Variants in CCDC169 observed in about 807,000 individuals in gnomAD.
CCDC169 encodes the protein coiled-coil domain containing 169.
In CCDC169, 30 loss-of-function variants were observed where a neutral mutation model predicts 36.0. That is an observed-to-expected ratio of 0.83 (90% confidence interval 0.62 to 1.13). CCDC169 has a LOEUF of 1.13. CCDC169 is among the 50% of genes most tolerant of loss of function. The pLI is 0.00. For missense variants in CCDC169, 245 were observed against 245.9 expected (o/e 1.00, Z 0.03); for synonymous variants, 85 against 81.5 (o/e 1.04, Z -0.23).
intron 6 of CCDC169, among the ~76,000 whole-genome samples, chr13:36,252,031 TAGTAAGTGC>T (rs1873234955): frequency 1.3e-5 from 2 of 152,178 alleles, no homozygotes; most frequent in African/African-American, 4.8e-5. Flanking sequence ...GGTCACATGG[TAGTAAGTGC>T]AGAGCTGGGA....
At chr13:36,228,277 C>T (rs1870063894), downstream of CCDC169, among the ~76,000 whole-genome samples, 2 of 152,140 alleles carry the variant, frequency 1.3e-5, no homozygotes, top group Non-Finnish European at 1.5e-5. Flanking sequence ...ATATCCCCAC[C>T]AGCAACATAT....
chr13:36,259,430 C>T (rs553474606), intron 4 of CCDC169, among the ~76,000 whole-genome samples: 81 of 152,256 alleles, frequency 5.3e-4, no homozygotes, highest in African/African-American at 1.8e-3. Flanking sequence ...TGGACGACAG[C>T]GACATACATT....
chr13:36,285,610 G>GATAGATAGATAC (rs1160347745), intron 2 of CCDC169, among the ~76,000 whole-genome samples: 2 of 148,156 alleles, frequency 1.3e-5, no homozygotes, highest in South Asian at 2.2e-4. Flanking sequence ...TAGATAGATA[G>GATAGATAGATAC]ATAGATAGAT....
At chr13:36,259,362 TTG>T (rs1874326121) in intron 4 of CCDC169, among the ~76,000 whole-genome samples, 1 of 152,176 alleles carries the variant, frequency 6.6e-6, no homozygotes, top group Non-Finnish European at 1.5e-5. Flanking sequence ...TGACTGCCAG[TTG>T]TCCAAGTTCT....
chr13:36,296,059 G>C (rs1016826354), intron 1 of CCDC169, among the ~76,000 whole-genome samples: 1 of 152,056 alleles, frequency 6.6e-6, no homozygotes, highest in African/African-American at 2.4e-5. Context: ...AAAGCTCAAA[G>C]ACCCCCAGGC....
intron 4 of CCDC169, among the ~76,000 whole-genome samples, chr13:36,256,935 G>A (rs1003597933): frequency 5.3e-5 from 8 of 152,214 alleles, no homozygotes; most frequent in Non-Finnish European, 7.3e-5. Context: ...CCACAGGTGG[G>A]CCAGCAGCAG....
chr13:36,246,936 A>G (rs932230031), intron 7 of CCDC169, among the ~76,000 whole-genome samples: 3 of 152,230 alleles, frequency 2.0e-5, no homozygotes, highest in African/African-American at 7.2e-5. Context: ...AGACATTCCT[A>G]GCTAGAGAGG....
At chr13:36,251,110 ATC>A (rs1285102444) in intron 6 of CCDC169, among the ~76,000 whole-genome samples, 1 of 152,244 alleles carries the variant, frequency 6.6e-6, no homozygotes, top group African/African-American at 2.4e-5. Context: ...TGTTGTGCAT[ATC>A]AGAAGACTCC....
At chr13:36,227,827 C>T (rs143961131), downstream of CCDC169, among the ~76,000 whole-genome samples, 5 of 152,152 alleles carry the variant, frequency 3.3e-5, no homozygotes, top group Non-Finnish European at 7.3e-5. Flanking sequence ...TCTCCATCAC[C>T]GACCTTCCCC....
intron 4 of CCDC169, chr13:36,267,309 C>T (rs1454199305): frequency 6.6e-6 from 1 of 152,176 alleles, no homozygotes; most frequent in Non-Finnish European, 1.5e-5. Context: ...TATCTTCAGC[C>T]TCCTTAAACA....
At chr13:36,240,573 G>C in intron 7 of CCDC169, 16 of 1,244,814 alleles carry the variant, frequency 1.3e-5, no homozygotes, top group Non-Finnish European at 1.7e-5. Flanking sequence ...CTCTTACCAA[G>C]TCCTAGTATC....
chr13:36,277,719 G>A (rs1877002884), intron 4 of CCDC169, among the ~76,000 whole-genome samples: 1 of 152,094 alleles, frequency 6.6e-6, no homozygotes, highest in Non-Finnish European at 1.5e-5. Flanking sequence ...GGGAGGCTGA[G>A]GCAGGCGGAT....
In CCDC169 at chr13:36,283,573, CAT is replaced by C. The variant is rs1222549531; in HGVS notation, c.274+17_274+18del. On this transcript the variant is annotated intron_variant, in intron 3 of 7. Transcript: ENST00000239859. The stretch of plus-strand genomic sequence containing the variant: ...GTTTTAACTCAAATTATAAAATGTA[CAT>C]ATGATTGGTTTTGTACCTGAAGAGT... 1.3e-6 allele frequency: 2 copies of C among 1,551,078 alleles called. No homozygotes were observed. The highest frequency in any genetic ancestry group is 2.4e-5 in the South Asian group (2 of 84,014).
At chr13:36,226,543 C>T (rs974658813), downstream of CCDC169, 1 of 152,226 alleles carries the variant, frequency 6.6e-6, no homozygotes, top group African/African-American at 2.4e-5. Flanking sequence ...TCCTAACAGG[C>T]CATGGATGGG....
At chr13:36,280,542 C>T (rs895451901) in intron 4 of CCDC169, 5 of 152,134 alleles carry the variant, frequency 3.3e-5, no homozygotes, top group Non-Finnish European at 5.9e-5. Flanking sequence ...CCCCAATTAG[C>T]ATAGGATTCA....
downstream of CCDC169, among the ~76,000 whole-genome samples, chr13:36,230,031 T>C (rs1288842779): frequency 6.6e-6 from 1 of 152,230 alleles, no homozygotes; most frequent in Non-Finnish European, 1.5e-5. Flanking sequence ...TTTATATTTT[T>C]CCACATTACA....
At chr13:36,239,272 A>G (rs1871465136) in intron 7 of CCDC169, among the ~76,000 whole-genome samples, 1 of 152,010 alleles carries the variant, frequency 6.6e-6, no homozygotes, top group East Asian at 1.9e-4. Context: ...CAGAAAAAGA[A>G]GTATCAATAT....
At chr13:36,259,605 C>T (rs960189122) in intron 4 of CCDC169, among the ~76,000 whole-genome samples, 5 of 152,172 alleles carry the variant, frequency 3.3e-5, no homozygotes, top group Admixed American at 3.3e-4. Flanking sequence ...CACGACCAAC[C>T]AGAGGCTGAA....
At chr13:36,238,954 G>C (rs1458140999) in intron 7 of CCDC169, among the ~76,000 whole-genome samples, 2 of 152,154 alleles carry the variant, frequency 1.3e-5, no homozygotes, top group Non-Finnish European at 2.9e-5. Context: ...AAAGGGGCCA[G>C]GTGCAGTGAT....
Sources: gnomAD v4.1 joint callset for allele counts (sites outside exome capture counted in the v4.1 genomes callset) on GRCh38, gnomAD v4.1.1 for gene constraint, MANE v1.5 for transcripts, NCBI Gene and HGNC (gene_info 2026-07-23, HGNC 2026-07-21) for gene names.